The following NRXN1 variants were observed in gnomAD, a reference collection of about 807,000 sequenced individuals.
The protein encoded by NRXN1 is neurexin 1.
A neutral mutation model predicts 150.9 loss-of-function variants in NRXN1; 39 were observed. The ratio of observed to expected loss-of-function variants is 0.26; its 90% CI spans 0.20 to 0.34. The LOEUF is 0.34. Ranked by LOEUF, NRXN1 falls within the 10% of genes least tolerant of loss-of-function variation. NRXN1 has a pLI of 1.00. For synonymous variants in NRXN1, 924 were observed against 757.0 expected, an observed-to-expected ratio of 1.22 and a Z score of -3.62; for missense variants, 1,815 against 1,949.9, an observed-to-expected ratio of 0.93 and a Z score of 1.30.
At chr2:50,696,160 AAGAC>A (rs1227048719) in intron 5 of NRXN1, 1 of 146,838 alleles carries the variant, frequency 6.8e-6, no homozygotes, top group Non-Finnish European at 1.5e-5. Flanking sequence ...GAAATTTTAA[AAGAC>A]AGTACATATA....
At chr2:50,101,790 G>A (rs1017648568) in intron 18 of NRXN1, among the ~76,000 whole-genome samples, 1 of 151,972 alleles carries the variant, frequency 6.6e-6, no homozygotes, top group Admixed American at 6.6e-5. Flanking sequence ...TGTGAATCAT[G>A]ACTTGCAACC....
intron 8 of NRXN1, among the ~76,000 whole-genome samples, chr2:50,590,185 C>T (rs1252615069): frequency 6.6e-6 from 1 of 152,134 alleles, no homozygotes; most frequent in Non-Finnish European, 1.5e-5. Context: ...TACTTACATG[C>T]AGTTTTAAAT....
chr2:50,916,798 T>G (rs1168273744), intron 5 of NRXN1: 2 of 151,660 alleles, frequency 1.3e-5, no homozygotes, highest in African/African-American at 4.8e-5. Context: ...AAAACTTTGC[T>G]TCACAGAGCC....
intron 5 of NRXN1, among the ~76,000 whole-genome samples, chr2:50,684,744 T>A (rs1690965517): frequency 6.6e-6 from 1 of 152,146 alleles, no homozygotes; most frequent in Non-Finnish European, 1.5e-5. Context: ...TTTGCCAAGG[T>A]CCCCAGTTTA....
At chr2:50,289,449 C>T (rs1356889) in intron 17 of NRXN1, among the ~76,000 whole-genome samples, 1 of 151,860 alleles carries the variant, frequency 6.6e-6, no homozygotes, top group South Asian at 2.1e-4. Context: ...ACAGAAATAT[C>T]CACTTATTCA....
rs1553339823 is a variant in NRXN1 at position 50,263,193 on chromosome 2, CAT to C, written c.3365-26225_3365-26224del. Reference sequence around the variant, plus strand: ...ACACACACACACACACACACACACACATACACAAACAGCAAATGACCTGTTCA... The same window carrying C: ...ACACACACACACACACACACACACACACACAAACAGCAAATGACCTGTTCA... On this transcript the variant is annotated intron_variant, in intron 17 of 22. Transcript: ENST00000401669. 2.7e-3 allele frequency among the ~76,000 whole-genome samples: 379 copies of C among 138,616 alleles called. 1 individual carries two copies. Among genetic ancestry groups the C allele is most frequent in the African/African-American group, 9.5e-3 (348 of 36,812 alleles). 90.9% of individuals were successfully genotyped at this position (138,616 alleles called of 152,430 possible). A position where few individuals can be genotyped will look rare whatever the true frequency, so the allele number is the denominator to read the frequency against.
At chr2:50,801,388 A>G (rs1015800342) in intron 5 of NRXN1, among the ~76,000 whole-genome samples, 1 of 152,186 alleles carries the variant, frequency 6.6e-6, no homozygotes, top group African/African-American at 2.4e-5. Flanking sequence ...GAATCACTTT[A>G]TTTCTTGGAG....
intron 19 of NRXN1, among the ~76,000 whole-genome samples, chr2:50,088,814 G>C (rs1323717911): frequency 6.6e-6 from 1 of 151,942 alleles, no homozygotes; most frequent in Non-Finnish European, 1.5e-5. Context: ...ATTCAAATTG[G>C]ACATTAGTCT....
At chr2:49,934,133 T>C (rs1204997545) in intron 22 of NRXN1, among the ~76,000 whole-genome samples, 1 of 152,200 alleles carries the variant, frequency 6.6e-6, no homozygotes, top group Non-Finnish European at 1.5e-5. Flanking sequence ...TATTTTATGT[T>C]TTAGGTGTCA....
At chr2:49,932,131 G>C (rs1448072618) in intron 22 of NRXN1, among the ~76,000 whole-genome samples, 1 of 152,146 alleles carries the variant, frequency 6.6e-6, no homozygotes, top group East Asian at 1.9e-4. Context: ...AAGTTGCTGA[G>C]TTTGCTGGGC....
intron 15 of NRXN1, among the ~76,000 whole-genome samples, chr2:50,484,136 C>G (rs1376293599): frequency 1.3e-5 from 2 of 152,080 alleles, no homozygotes; most frequent in African/African-American, 4.8e-5. Context: ...TTCTGTGTAG[C>G]TTGAAAGGAC....
intron 22 of NRXN1, among the ~76,000 whole-genome samples, chr2:49,925,397 TTC>T (rs1668935559): frequency 6.6e-6 from 1 of 152,140 alleles, no homozygotes; most frequent in Non-Finnish European, 1.5e-5. Flanking sequence ...TAAATGTGGC[TTC>T]TCTTATTGTC....
At chr2:50,576,792 T>C (rs1216905338) in intron 8 of NRXN1, among the ~76,000 whole-genome samples, 1 of 152,128 alleles carries the variant, frequency 6.6e-6, no homozygotes, top group East Asian at 1.9e-4. Context: ...TCCTAAAAGA[T>C]GGCTTTCCTG....
chr2:50,598,917 T>C (rs1359800957), intron 8 of NRXN1, among the ~76,000 whole-genome samples: 2 of 151,542 alleles, frequency 1.3e-5, no homozygotes, highest in South Asian at 4.2e-4. Flanking sequence ...GCCACCACAC[T>C]TGGCTAATTT....
In NRXN1 at chr2:50,084,689, G is replaced by A. The variant is rs574435587; in HGVS notation, c.3718+6634C>T. Among the ~76,000 whole-genome samples the A allele has an allele frequency of 3.0e-4, 45 of 152,350 alleles. 1 individual carries two copies. The highest frequency in any genetic ancestry group is 8.9e-4 in the African/African-American group (37 of 41,590). On this transcript the variant is annotated intron_variant, in intron 19 of 22. Transcript: ENST00000401669. The stretch of plus-strand genomic sequence containing the variant: ...TGGCAGGCTGAAGGGCTCCTCAAGC[G>A]TGGCTGAATGGGCGCCGAGGCCGAG...
chr2:50,355,881 C>G lies in NRXN1; in HGVS notation c.3364+109561G>C, dbSNP rs1486284033. Among the ~76,000 whole-genome samples the G allele has an allele frequency of 3.9e-5, 6 of 152,178 alleles. No individual in the cohort carries two copies. The East Asian group carries it at 1.2e-3, about 29-fold the overall frequency. On this transcript the variant is annotated intron_variant, in intron 17 of 22. Transcript: ENST00000401669. ...CACCAAAGCCAACAGAGAAATGAAA[C>G]AAATCCTCTTCAACTTACCCTTATA...
chr2:50,167,723 C>A lies in NRXN1; in HGVS notation c.3546+69066G>T, dbSNP rs533060437. Among the ~76,000 whole-genome samples, 17 of 150,272 alleles carry A rather than the reference C, an allele frequency of 1.1e-4. No homozygotes were observed. The East Asian group carries it at 2.9e-3, about 26-fold the overall frequency. On this transcript the variant is annotated intron_variant, in intron 18 of 22. Transcript: ENST00000401669. The stretch of plus-strand genomic sequence containing the variant: ...CTGTACACTAGAGTTAACTAGGGAC[C>A]TTTAACAAATTTTGATGCCTAGTTT...
intron 22 of NRXN1, among the ~76,000 whole-genome samples, chr2:49,936,211 A>G (rs1050432751): frequency 3.3e-5 from 5 of 152,228 alleles, no homozygotes; most frequent in African/African-American, 1.2e-4. Context: ...TTATATGCTA[A>G]GTAATTATTA....
At chr2:50,424,645 T>A (rs1173626623) in intron 17 of NRXN1, among the ~76,000 whole-genome samples, 1 of 152,168 alleles carries the variant, frequency 6.6e-6, no homozygotes, top group Non-Finnish European at 1.5e-5. Context: ...AAGCACAACT[T>A]AATTTAATTA....
Sources: gnomAD v4.1 joint callset for allele counts (sites outside exome capture counted in the v4.1 genomes callset) on GRCh38, gnomAD v4.1.1 for gene constraint, MANE v1.5 for transcripts, NCBI Gene and HGNC (gene_info 2026-07-23, HGNC 2026-07-21) for gene names.